Variants in ERCC8 observed in about 807,000 individuals in gnomAD.
ERCC8 encodes DNA excision repair protein ERCC-8.
In ERCC8, 52 loss-of-function variants were observed where a neutral mutation model predicts 54.9. That is an observed-to-expected ratio of 0.95 (90% confidence interval 0.76 to 1.19). The LOEUF is 1.19. Ranked by LOEUF, ERCC8 falls within the 50% of genes most tolerant of loss-of-function variation. The pLI is 0.00. For synonymous variants in ERCC8, 146 were observed against 157.2 expected, an observed-to-expected ratio of 0.93 and a Z score of 0.53; for missense variants, 514 against 466.1, an observed-to-expected ratio of 1.10 and a Z score of -0.95.
At chr5:60,941,491 G>C (rs1298888858) in intron 1 of ERCC8, among the ~76,000 whole-genome samples, 1 of 152,156 alleles carries the variant, frequency 6.6e-6, no homozygotes, top group Non-Finnish European at 1.5e-5. Context: ...AAGAGAAAGA[G>C]TGTAGTGTTG....
Position 60,935,797 on chromosome 5 carries a change from AT to A in ERCC8, c.78-6839del, listed in dbSNP as rs550160947. The stretch of plus-strand genomic sequence containing the variant: ...TTTTTCTGCATCTATTGAGATAATC[AT>A]CTGATTTTTGTTTTTAATTCTGTTT... On this transcript the variant is annotated intron_variant, in intron 1 of 11. Coordinates refer to ENST00000676185, the MANE Select transcript of ERCC8 (RefSeq NM_000082.4). Among the ~76,000 whole-genome samples, 86 of 152,246 alleles carry A rather than the reference AT, an allele frequency of 5.6e-4. 1 individual carries two copies. The South Asian group carries it at 0.016, about 28-fold the overall frequency.
intron 2 of ERCC8, among the ~76,000 whole-genome samples, chr5:60,928,337 T>TG (rs1230345763): frequency 2.0e-5 from 3 of 152,218 alleles, no homozygotes; most frequent in African/African-American, 7.2e-5. Context: ...TTAATCATGT[T>TG]GTGCATATTA....
chr5:60,889,827 C>T (rs1200599744), intron 10 of ERCC8, among the ~76,000 whole-genome samples: 1 of 152,168 alleles, frequency 6.6e-6, no homozygotes, highest in Non-Finnish European at 1.5e-5. Flanking sequence ...CTCTCTGGTG[C>T]TTTCGTTTTC....
At chr5:60,929,303 A>T (rs1749840804) in intron 1 of ERCC8, among the ~76,000 whole-genome samples, 1 of 152,210 alleles carries the variant, frequency 6.6e-6, no homozygotes, top group African/African-American at 2.4e-5. Context: ...CAGAAATAAA[A>T]AATGAGTATG....
chr5:60,932,957 T>C (rs1749952701), intron 1 of ERCC8, among the ~76,000 whole-genome samples: 1 of 152,168 alleles, frequency 6.6e-6, no homozygotes, highest in Non-Finnish European at 1.5e-5. Flanking sequence ...TAAAATCACC[T>C]TTCCAATCTC....
rs1183491757 is a variant in ERCC8, at chr5:60,938,063, ATATATATATATATATATATATATTTTAT to A, written c.77+6841_77+6868del. On this transcript the variant is annotated intron_variant, in intron 1 of 11. Transcript: ENST00000676185. Reference sequence around the variant, plus strand: ...TACATACATACATATATATATATATATATATATATATATATATATATATTTTATTTTTTTTTTTTTTAGGTTACGAAGT... The same window carrying A: ...TACATACATACATATATATATATATATTTTTTTTTTTTTAGGTTACGAAGT... Among the ~76,000 whole-genome samples the A allele has an allele frequency of 8.2e-4, 22 of 26,878 alleles. No homozygotes were observed. The East Asian group carries it at 0.045, about 55-fold the overall frequency. 17.6% of individuals were successfully genotyped at this position (26,878 alleles called of 152,430 possible). A position where few individuals can be genotyped will look rare whatever the true frequency, so the allele number is the denominator to read the frequency against.
intron 1 of ERCC8, among the ~76,000 whole-genome samples, chr5:60,934,692 T>C (rs1268892630): frequency 6.6e-6 from 1 of 152,264 alleles, no homozygotes; most frequent in Non-Finnish European, 1.5e-5. Flanking sequence ...TTTTTATGGC[T>C]TCAGGTCTTA....
intron 5 of ERCC8, 89 bp from the exon 6 acceptor site, chr5:60,903,805 T>C: frequency 7.8e-7 from 1 of 1,283,272 alleles, no homozygotes; most frequent in Non-Finnish European, 1.1e-6. Flanking sequence ...CATGACATTT[T>C]CACTGTATCC....
intron 11 of ERCC8, among the ~76,000 whole-genome samples, chr5:60,880,014 T>C (rs1748156593): frequency 6.6e-6 from 1 of 152,236 alleles, no homozygotes; most frequent in South Asian, 2.1e-4. Context: ...CGGTTGTTCC[T>C]TTCCATGTTT....
chr5:60,935,402 G>A (rs923523754), intron 1 of ERCC8, among the ~76,000 whole-genome samples: 2 of 152,078 alleles, frequency 1.3e-5, no homozygotes, highest in African/African-American at 2.4e-5. Flanking sequence ...CTGAAACTTC[G>A]CTGAATTCAT....
At position 60,945,038 on chromosome 5, in the gene ERCC8, G is replaced by C. The variant is rs749696593; in HGVS notation, c.-30C>G. 2 of 1,592,994 alleles carry C rather than the reference G, an allele frequency of 1.3e-6. No homozygotes were observed. The highest frequency in any genetic ancestry group is 1.7e-6 in the Non-Finnish European group (2 of 1,160,866). ...TGTCCTCACACCGGCTGGAGCACTGGACGTCGCCATGACAGAGCTCAGGGG... is the reference window on the plus strand; with the variant it reads ...TGTCCTCACACCGGCTGGAGCACTGCACGTCGCCATGACAGAGCTCAGGGG... On this transcript the variant is annotated 5_prime_UTR_variant, in exon 1 of 12. Transcript: ENST00000676185.
intron 9 of ERCC8, chr5:60,893,169 C>G (rs1173618671): frequency 1.1e-6 from 1 of 936,276 alleles, no homozygotes; most frequent in Non-Finnish European, 1.8e-6. Flanking sequence ...TAATGGGTCT[C>G]TGGCATCCAG....
At chr5:60,922,473 A>G (rs1749627884) in intron 2 of ERCC8, among the ~76,000 whole-genome samples, 1 of 152,098 alleles carries the variant, frequency 6.6e-6, no homozygotes, top group African/African-American at 2.4e-5. Context: ...GTTATTTTAA[A>G]TGTCCTAATT....
rs1231645293 is a variant in ERCC8, at chr5:60,890,970, T to C, written c.960A>G (p.Thr320=). 6.2e-7 allele frequency: 1 copy of C among 1,613,324 alleles called. No homozygotes were observed. The highest frequency in any genetic ancestry group is 8.5e-7 in the Non-Finnish European group (1 of 1,179,402). Residue 320 remains threonine (T), a synonymous_variant, in exon 10 of 12, where the codon ACA becomes ACG. Coordinates refer to ENST00000676185, the MANE Select transcript of ERCC8 (RefSeq NM_000082.4). Reference sequence around the variant, plus strand: ...TAGTTATCTGTTCTCCTGAGTAAACTGTATAAACAGCAATGGTGCTACCAT... The same window carrying C: ...TAGTTATCTGTTCTCCTGAGTAAACCGTATAAACAGCAATGGTGCTACCAT... ...VPYGSTIAVY[T]VYSGEQITML...
intron 1 of ERCC8, among the ~76,000 whole-genome samples, 153 bp from the exon 2 acceptor site, chr5:60,929,112 T>C (rs1427286132): frequency 6.6e-6 from 1 of 152,234 alleles, no homozygotes; most frequent in African/African-American, 2.4e-5. Flanking sequence ...TTAGACATCT[T>C]GTATAAATGT....
intron 11 of ERCC8, among the ~76,000 whole-genome samples, chr5:60,885,188 A>AT (rs971233049): frequency 4.0e-5 from 6 of 151,792 alleles, no homozygotes; most frequent in Non-Finnish European, 7.4e-5. Context: ...AATTTTGTCT[A>AT]TTTTTTGTAG....
At chr5:60,906,731 AAAT>A (rs1749084429) in intron 4 of ERCC8, among the ~76,000 whole-genome samples, 1 of 20,150 alleles carries the variant, frequency 5.0e-5, no homozygotes, top group Non-Finnish European at 9.5e-5. Context: ...TCTGTCTCAA[AAAT>A]AAATAAATAA....
At chr5:60,899,605 T>A (rs1748814914) in intron 8 of ERCC8, 22 bp downstream of exon 8, 6 of 1,520,710 alleles carry the variant, frequency 3.9e-6, no homozygotes, top group Non-Finnish European at 5.5e-6. Context: ...ATTGTCATAT[T>A]TATTAATGCG....
intron 11 of ERCC8, among the ~76,000 whole-genome samples, chr5:60,875,007 G>C (rs4647149): frequency 0.047 from 7,174 of 152,152 alleles, 571 homozygotes; most frequent in African/African-American, 0.16. Context: ...CAACTCTTTG[G>C]AATTACCTGG....
Sources: allele counts gnomAD v4.1 joint callset (sites outside exome capture counted in the v4.1 genomes callset), GRCh38; gene constraint gnomAD v4.1.1; transcripts MANE v1.5; gene names NCBI Gene and HGNC (gene_info 2026-07-23, HGNC 2026-07-21).